Variants in PATJ observed in about 807,000 individuals in gnomAD.
The protein encoded by PATJ is inaD-like protein.
Under a neutral mutation model 224.9 loss-of-function variants are expected in PATJ, and 190 were observed. The ratio of observed to expected loss-of-function variants is 0.84; its 90% CI spans 0.75 to 0.95. PATJ has a LOEUF of 0.95. Among genes scored for constraint, PATJ ranks in the 40% least tolerant of loss-of-function variants. PATJ has a pLI of 0.00. For synonymous variants in PATJ, 769 were observed against 820.3 expected (o/e 0.94, Z 1.07); for missense variants, 2,121 against 2,270.3 (o/e 0.93, Z 1.34).
intron 27 of PATJ, among the ~76,000 whole-genome samples, chr1:61,979,888 T>A (rs1644358337): frequency 6.6e-6 from 1 of 152,036 alleles, no homozygotes; most frequent in East Asian, 1.9e-4. Context: ...TTCTTCTCTG[T>A]GTCCCTGTGT....
rs1018615818 is a variant in PATJ at position 61,965,514 on chromosome 1, C to G, written c.3671-24654C>G. Among the ~76,000 whole-genome samples, 5 of 152,202 alleles carry G rather than the reference C, an allele frequency of 3.3e-5. No individual in the cohort carries two copies. In the East Asian group the frequency reaches 9.6e-4, roughly 29 times the overall value. ...TTTAGTGAACAAAATGGTTCTCTAA[C>G]TCTCACTCTCACTAACGTTGTCAAC... On this transcript the variant is annotated intron_variant, in intron 27 of 43. Transcript: ENST00000642238.
chr1:61,910,210 G>A (rs1379126408), intron 25 of PATJ, among the ~76,000 whole-genome samples: 1 of 152,184 alleles, frequency 6.6e-6, no homozygotes, highest in African/African-American at 2.4e-5. Context: ...TTATACATTT[G>A]TGTGGCCAGC....
At chr1:61,880,704 G>A (rs1031393329) in intron 21 of PATJ, among the ~76,000 whole-genome samples, 2 of 152,130 alleles carry the variant, frequency 1.3e-5, no homozygotes, top group Non-Finnish European at 2.9e-5. Context: ...CATCTTACAC[G>A]TGTTTGAGCT....
At chr1:61,870,740 C>T (rs1666209213) in intron 20 of PATJ, among the ~76,000 whole-genome samples, 1 of 152,108 alleles carries the variant, frequency 6.6e-6, no homozygotes, top group Non-Finnish European at 1.5e-5. Flanking sequence ...TTAGTATATA[C>T]TCAGCAGTGG....
rs1261775924 is a variant in PATJ, at chr1:61,991,535, T to C, written c.3867+1171T>C. ...ATCCATAATTTTACTTGCCTAATAATAACTACTGCCACAGCTGGCCAGGTG... is the reference window on the plus strand; with the variant it reads ...ATCCATAATTTTACTTGCCTAATAACAACTACTGCCACAGCTGGCCAGGTG... On this transcript the variant is annotated intron_variant, in intron 28 of 43. Transcript: ENST00000642238. 3 of 985,208 alleles carry C rather than the reference T, an allele frequency of 3.0e-6. No homozygotes were observed. The African/African-American group carries it at 5.2e-5, about 17-fold the overall frequency. The allele number at this position is 985,208 out of a possible 1,614,324, so 61.0% of individuals were successfully genotyped here. A position where few individuals can be genotyped will look rare whatever the true frequency, so the allele number is the denominator to read the frequency against.
chr1:61,956,563 G>T (rs1460235301), intron 27 of PATJ, among the ~76,000 whole-genome samples: 1 of 152,140 alleles, frequency 6.6e-6, no homozygotes, highest in Non-Finnish European at 1.5e-5. Flanking sequence ...ATATCTAATG[G>T]GTAGTTTCTA....
chr1:62,142,178 G>A (rs17123133), intron 41 of PATJ, among the ~76,000 whole-genome samples: 5,223 of 152,100 alleles, frequency 0.034, 162 homozygotes, highest in South Asian at 0.13. Context: ...AGGACAGTCT[G>A]TTTCATGGAC....
rs146573404 is a variant in PATJ at position 61,800,057 on chromosome 1, A to C, written c.1403-1566A>C. 4.7e-4 allele frequency among the ~76,000 whole-genome samples: 72 copies of C among 152,296 alleles called. 1 individual carries two copies. Among genetic ancestry groups the C allele is most frequent in the Non-Finnish European group, 4.3e-4 (29 of 68,024 alleles). ...GCAAATAGTGCTGAAATAAACATAC[A>C]AGTACATGTGTCTTTTTGATAGAAC... is the stretch of plus-strand genomic sequence containing the variant. On this transcript the variant is annotated intron_variant, in intron 11 of 43. Coordinates refer to ENST00000642238, the MANE Select transcript of PATJ (RefSeq NM_001350145.3).
intron 31 of PATJ, among the ~76,000 whole-genome samples, chr1:62,073,968 A>G (rs1206229963): frequency 6.6e-6 from 1 of 152,136 alleles, no homozygotes; most frequent in African/African-American, 2.4e-5. Context: ...TCACATTTTT[A>G]TACTTTTGTT....
intron 22 of PATJ, among the ~76,000 whole-genome samples, chr1:61,895,999 T>G (rs1670313538): frequency 6.6e-6 from 1 of 152,114 alleles, no homozygotes; most frequent in African/African-American, 2.4e-5. Flanking sequence ...TTTTGGAGCT[T>G]TAAGATTTAA....
intron 16 of PATJ, 75 bp downstream of exon 16, chr1:61,827,658 A>C: frequency 7.1e-7 from 1 of 1,400,444 alleles, no homozygotes; most frequent in Non-Finnish European, 9.7e-7. Flanking sequence ...GTGCTGCAAT[A>C]AGAAGGGAGG....
chr1:61,947,821 A>G (rs1443334832), intron 27 of PATJ, among the ~76,000 whole-genome samples: 1 of 152,228 alleles, frequency 6.6e-6, no homozygotes, highest in East Asian at 1.9e-4. Flanking sequence ...ACTGTACTAC[A>G]AGGCTACAGT....
chr1:62,064,780 A>T (rs1656126559), intron 31 of PATJ, among the ~76,000 whole-genome samples: 1 of 152,230 alleles, frequency 6.6e-6, no homozygotes, highest in Non-Finnish European at 1.5e-5. Context: ...CTTGAACTGT[A>T]TGCTTAAAAT....
chr1:61,931,245 A>G (rs1675986957), intron 27 of PATJ, among the ~76,000 whole-genome samples: 1 of 152,230 alleles, frequency 6.6e-6, no homozygotes, highest in African/African-American at 2.4e-5. Context: ...GGTGTTGAGA[A>G]TATGGCAGGG....
chr1:61,764,897 AT>A (rs1239618471), intron 3 of PATJ, among the ~76,000 whole-genome samples: 1 of 152,104 alleles, frequency 6.6e-6, no homozygotes, highest in African/African-American at 2.4e-5. Context: ...GCAGAAATCT[AT>A]CACACTTGTT....
At chr1:61,911,780 A>T (rs1672695135) in intron 25 of PATJ, among the ~76,000 whole-genome samples, 1 of 147,820 alleles carries the variant, frequency 6.8e-6, no homozygotes, top group African/African-American at 2.5e-5. Context: ...TTTGTTTAAG[A>T]TTCTTCAGGA....
intron 41 of PATJ, among the ~76,000 whole-genome samples, chr1:62,130,195 A>G (rs1000956391): frequency 2.0e-5 from 3 of 152,136 alleles, no homozygotes; most frequent in African/African-American, 7.2e-5. Context: ...TTAGCCCGGC[A>G]TGGTGGTGTG....
At position 61,856,074 on chromosome 1, in the gene PATJ, G is replaced by A. The variant is rs757663804; in HGVS notation, c.2157G>A (p.Leu719=). 2.6e-5 allele frequency: 42 copies of A among 1,614,028 alleles called. No homozygotes were observed. The highest frequency in any genetic ancestry group is 3.5e-5 in the Non-Finnish European group (41 of 1,180,000). ...GATCAGTGATTGTGATCCGCTCCCT[G>A]GTAGCAGATGGTGTAGCAGAAAGAA... ...PTRSVIVIRS[L]VADGVAERSG... is the part of the protein sequence containing the mutation. The change falls in exon 18 of 44, where the codon CTG becomes CTA. Residue 719 remains leucine, a synonymous_variant. Transcript: ENST00000642238.
chr1:62,122,955 G>T, intron 38 of PATJ, 66 bp from the exon 39 acceptor site: 1 of 989,682 alleles, frequency 1.0e-6, no homozygotes, highest in South Asian at 1.7e-5. Context: ...TTTTCATGGG[G>T]CAATATTATA....
Sources: allele counts gnomAD v4.1 joint callset (sites outside exome capture counted in the v4.1 genomes callset), GRCh38; gene constraint gnomAD v4.1.1; transcripts MANE v1.5; gene names NCBI Gene and HGNC (gene_info 2026-07-23, HGNC 2026-07-21).